SHISA4: variants seen among roughly 807,000 people sequenced by gnomAD.
The protein encoded by SHISA4 is protein shisa-4.
In SHISA4, 16 loss-of-function variants were observed where a neutral mutation model predicts 24.2. The observed-to-expected ratio is 0.66, with a 90% CI of 0.45 to 1.00. The LOEUF (loss-of-function observed/expected upper bound fraction) is 1.00, where lower values mean the gene tolerates loss of function less well. Among genes scored for constraint, SHISA4 ranks in the 50% least tolerant of loss-of-function variants. The pLI is 0.00. For missense variants in SHISA4, 238 were observed against 258.9 expected, an observed-to-expected ratio of 0.92 and a Z score of 0.55; for synonymous variants, 106 against 105.4, an observed-to-expected ratio of 1.01 and a Z score of -0.04.
chr1:201,891,394 C>G lies in SHISA4; in HGVS notation c.380-7C>G, dbSNP rs755559758. On this transcript the variant is annotated splice_region_variant and splice_polypyrimidine_tract_variant and intron_variant, in intron 3 of 4. Transcript: ENST00000362011. Reference sequence around the variant, plus strand: ...TCTCTGAATGCTGATCCTTCTCCCCCATCTAGGCCAGGAGATTCCAATGAC... The same window carrying G: ...TCTCTGAATGCTGATCCTTCTCCCCGATCTAGGCCAGGAGATTCCAATGAC... The G allele has an allele frequency of 1.9e-6, 3 of 1,613,876 alleles. No homozygotes were observed. Among genetic ancestry groups the G allele is most frequent in the South Asian group, 2.2e-5 (2 of 91,082 alleles).
chr1:201,889,369 C>CG (rs1681048118), intron 1 of SHISA4, 76 bp from the exon 2 acceptor site: 1 of 1,580,098 alleles, frequency 6.3e-7, no homozygotes, highest in African/African-American at 1.3e-5. Context: ...TGGGGACCGC[C>CG]GGGGGAGTGG....
chr1:201,888,748 T>G (rs1240324014), upstream of SHISA4: 1 of 365,116 alleles, frequency 2.7e-6, no homozygotes, highest in South Asian at 1.5e-4. Context: ...GGCAGTGCTC[T>G]GCTGGGTGAG....
In SHISA4 at chr1:201,891,524, A is replaced by G; in HGVS notation, c.503A>G (p.Gln168Arg). The G allele has an allele frequency of 2.5e-6, 4 of 1,613,368 alleles. No individual in the cohort carries two copies. The South Asian group carries it at 4.4e-5, about 18-fold the overall frequency. Residue 168 changes from glutamine (Q) to arginine (R), a missense_variant, in exon 4 of 5, where the codon CAA (glutamine) becomes CGA (arginine). Coordinates refer to ENST00000362011, the MANE Select transcript of SHISA4 (RefSeq NM_198149.3). ...FIYPPSGPAP[Q>R]YPLYPAGPPV... ...TACCCACCTAGTGGTCCTGCTCCCC[A>G]ATATCCACTCTACCCAGCTGGGCCC...
intron 4 of SHISA4, 99 bp from the exon 5 acceptor site, chr1:201,891,701 C>T (rs1473095640): frequency 1.3e-6 from 2 of 1,554,144 alleles, no homozygotes; most frequent in Admixed American, 1.7e-5. Context: ...CCTCCAGGCC[C>T]ACTCTTCCCT....
Position 201,891,537 on chromosome 1 carries a change from C to G in SHISA4, c.516C>G (p.Tyr172Ter), listed in dbSNP as rs1241707910. ...GTCCTGCTCCCCAATATCCACTCTA[C>G]CCAGCTGGGCCCCCAGTCTACAACC... The part of the protein sequence containing the change: ...PSGPAPQYPL[Y>*]PAGPPVYNPA... Residue 172 changes from tyrosine to a stop codon, truncating the protein, a stop_gained, in exon 4 of 5, where the codon TAC (tyrosine) becomes TAG (stop). Transcript: ENST00000362011. LOFTEE classifies it high-confidence loss of function. The G allele has an allele frequency of 6.2e-7, 1 of 1,613,138 alleles. No individual in the cohort carries two copies. The highest frequency in any genetic ancestry group is 8.5e-7 in the Non-Finnish European group (1 of 1,179,638).
At position 201,889,461 on chromosome 1, in the gene SHISA4, CTGCCTGTGGTACCTGGA is replaced by C. The variant is rs773470964; in HGVS notation, c.91_107del (p.Cys31ProfsTer10). 6 of 1,613,358 alleles carry C rather than the reference CTGCCTGTGGTACCTGGA, an allele frequency of 3.7e-6. No individual in the cohort carries two copies. The East Asian group carries it at 1.1e-4, about 30-fold the overall frequency. On this transcript the variant is annotated frameshift_variant, in exon 2 of 5. Transcript: ENST00000362011. LOFTEE classifies it high-confidence loss of function. The stretch of plus-strand genomic sequence containing the variant: ...TGCCCGCAGTGCTGGCCGGCGAGGA[CTGCCTGTGGTACCTGGA>C]CCGGAATGGCTCCTGGCATCCGGGG...
At chr1:201,890,824 A>G (rs1681079532) in intron 3 of SHISA4, among the ~76,000 whole-genome samples, 1 of 152,244 alleles carries the variant, frequency 6.6e-6, no homozygotes, top group Non-Finnish European at 1.5e-5. Context: ...GAAGATTCAA[A>G]TGTGTACAGG....
In SHISA4 at chr1:201,892,156, A is replaced by T; in HGVS notation, c.*310A>T. Reference sequence around the variant, plus strand: ...TCCCTCTGCTCCCAAGATCCCAGCCAGGAAGGCTGGGGCCCTACTGTTTGT... The same window carrying T: ...TCCCTCTGCTCCCAAGATCCCAGCCTGGAAGGCTGGGGCCCTACTGTTTGT... On this transcript the variant is annotated 3_prime_UTR_variant, in exon 5 of 5. Coordinates refer to ENST00000362011, the MANE Select transcript of SHISA4 (RefSeq NM_198149.3). 1 of 291,128 alleles carries T rather than the reference A, an allele frequency of 3.4e-6. No individual in the cohort carries two copies. Among genetic ancestry groups the T allele is most frequent in the Non-Finnish European group, 6.1e-6 (1 of 163,232 alleles). The allele number at this position is 291,128 out of a possible 1,614,324, so 18.0% of individuals were successfully genotyped here. A position where few individuals can be genotyped will look rare whatever the true frequency, so the allele number is the denominator to read the frequency against.
intron 1 of SHISA4, 179 bp from the exon 2 acceptor site, chr1:201,889,266 G>C (rs1347626242): frequency 1.0e-6 from 1 of 965,156 alleles, no homozygotes; most frequent in South Asian, 1.7e-5. Context: ...CGGGGTGCAG[G>C]GTCAGCTTCA....
intron 3 of SHISA4, among the ~76,000 whole-genome samples, chr1:201,891,036 T>TGGGAGGGAAGGG (rs1681086498): frequency 6.6e-6 from 1 of 151,986 alleles, no homozygotes; most frequent in African/African-American, 2.4e-5. Flanking sequence ...ATACGGGAGA[T>TGGGAGGGAAGGG]CAGTGTGGGA....
chr1:201,888,901 C>A lies in SHISA4; in HGVS notation c.-94C>A, dbSNP rs937787259. The A allele has an allele frequency of 7.0e-6, 6 of 857,082 alleles. No homozygotes were observed. Among genetic ancestry groups the A allele is most frequent in the Non-Finnish European group, 9.5e-6 (6 of 632,058 alleles). 53.1% of individuals were successfully genotyped at this position (857,082 alleles called of 1,614,324 possible). On this transcript the variant is annotated 5_prime_UTR_variant, in exon 1 of 5. Coordinates refer to ENST00000362011, the MANE Select transcript of SHISA4 (RefSeq NM_198149.3). ...GGCGGAAGAGGAGCCCGAGCCTGGCCGCGGGCTGGGCCCCGCCGCAGCTCC... is the reference window on the plus strand; with the variant it reads ...GGCGGAAGAGGAGCCCGAGCCTGGCAGCGGGCTGGGCCCCGCCGCAGCTCC...
intron 3 of SHISA4, among the ~76,000 whole-genome samples, chr1:201,890,843 CTG>C (rs1236488326): frequency 1.3e-5 from 2 of 152,214 alleles, no homozygotes; most frequent in Non-Finnish European, 2.9e-5. Flanking sequence ...GGAGTGCAGT[CTG>C]TCAACAATAG....
chr1:201,889,842 C>T (rs1001366521), intron 2 of SHISA4, among the ~76,000 whole-genome samples: 1 of 152,192 alleles, frequency 6.6e-6, no homozygotes, highest in South Asian at 2.1e-4. Context: ...TGACTGGGCC[C>T]GGGGTTTCCA....
chr1:201,889,247 G>A (rs1287833612), intron 1 of SHISA4, 180 bp downstream of exon 1: 2 of 913,208 alleles, frequency 2.2e-6, no homozygotes, highest in South Asian at 1.7e-5. Flanking sequence ...GGCCATGGGA[G>A]GCTGATCCCG....
chr1:201,890,867 GGT>G (rs566614066), intron 3 of SHISA4, among the ~76,000 whole-genome samples: 56 of 152,210 alleles, frequency 3.7e-4, no homozygotes, highest in Non-Finnish European at 7.6e-4. Flanking sequence ...GGGTGCAGTG[GGT>G]GTATGCATAC....
At chr1:201,890,684 G>T in intron 3 of SHISA4, 97 bp downstream of exon 3, 1 of 1,502,428 alleles carries the variant, frequency 6.7e-7, no homozygotes. Flanking sequence ...TTCTGTAGTA[G>T]TATGTGCTTC....
At chr1:201,891,294 C>A in intron 3 of SHISA4, 107 bp from the exon 4 acceptor site, 1 of 1,387,286 alleles carries the variant, frequency 7.2e-7, no homozygotes, top group Non-Finnish European at 1.0e-6. Flanking sequence ...CAGCCTGGAG[C>A]TTGCCAGAGG....
chr1:201,891,560 A>T lies in SHISA4; in HGVS notation c.539A>T (p.Asn180Ile). The change falls in exon 4 of 5, where the codon AAC becomes ATC. Residue 180 changes from asparagine (N) to isoleucine (I), a missense_variant. Coordinates refer to ENST00000362011, the MANE Select transcript of SHISA4 (RefSeq NM_198149.3). The stretch of plus-strand genomic sequence containing the variant: ...TACCCAGCTGGGCCCCCAGTCTACA[A>T]CCCTGCAGGTAAGTAAGCAATCTGG... ...PLYPAGPPVY[N>I]PAAPPPYMPP... 1 of 1,609,582 alleles carries T rather than the reference A, an allele frequency of 6.2e-7. No individual in the cohort carries two copies. Among genetic ancestry groups the T allele is most frequent in the South Asian group, 1.1e-5 (1 of 90,502 alleles).
chr1:201,890,615 C>G, intron 3 of SHISA4, 28 bp downstream of exon 3: 1 of 1,612,282 alleles, frequency 6.2e-7, no homozygotes, highest in South Asian at 1.1e-5. Flanking sequence ...CAAGAAGGGC[C>G]TCAGATGGGC....
Sources: gnomAD v4.1 joint callset for allele counts (sites outside exome capture counted in the v4.1 genomes callset) on GRCh38, gnomAD v4.1.1 for gene constraint, MANE v1.5 for transcripts, NCBI Gene and HGNC (gene_info 2026-07-23, HGNC 2026-07-21) for gene names.